The following AKT3 variants were observed in gnomAD, a reference collection of about 807,000 sequenced individuals.
AKT3 encodes RAC-gamma serine/threonine-protein kinase.
In AKT3, 15 loss-of-function variants were observed where a neutral mutation model predicts 65.3. That is an observed-to-expected ratio of 0.23 (90% CI 0.15 to 0.35). AKT3 has a LOEUF of 0.35. Ranked by LOEUF, AKT3 falls within the 10% of genes least tolerant of loss-of-function variation. The pLI is 1.00. For missense variants in AKT3, 243 were observed against 576.5 expected (o/e 0.42, Z 5.92); for synonymous variants, 206 against 183.8 (o/e 1.12, Z -0.98).
chr1:243,654,627 T>A (rs548496592), intron 4 of AKT3, among the ~76,000 whole-genome samples: 3 of 152,278 alleles, frequency 2.0e-5, no homozygotes, highest in Admixed American at 2.0e-4. Context: ...CCTCTTTCAA[T>A]TTTTTACTGA....
At chr1:243,646,267 GAAA>G (rs1680806318) in intron 4 of AKT3, among the ~76,000 whole-genome samples, 1 of 149,594 alleles carries the variant, frequency 6.7e-6, no homozygotes, top group African/African-American at 2.5e-5. Context: ...GTATGTTAAA[GAAA>G]AAAAGAGAAG....
intron 13 of AKT3, among the ~76,000 whole-genome samples, chr1:243,489,879 G>C (rs1347040542): frequency 6.6e-6 from 1 of 152,130 alleles, no homozygotes; most frequent in Non-Finnish European, 1.5e-5. Context: ...AAAGTGTCCC[G>C]GTGAATTTGG....
chr1:243,567,466 C>G (rs1674243571), intron 9 of AKT3, among the ~76,000 whole-genome samples: 1 of 148,172 alleles, frequency 6.7e-6, no homozygotes, highest in Admixed American at 6.7e-5. Context: ...CCACGCCCTG[C>G]TAGTTTTTGT....
At chr1:243,495,452 G>A (rs1419205343), downstream of AKT3, among the ~76,000 whole-genome samples, 1 of 152,214 alleles carries the variant, frequency 6.6e-6, no homozygotes, top group African/African-American at 2.4e-5. Context: ...GCGGTGTGGA[G>A]GCTGTTATCA....
chr1:243,570,271 G>A (rs531777457), intron 9 of AKT3, among the ~76,000 whole-genome samples: 8 of 152,298 alleles, frequency 5.3e-5, no homozygotes, highest in African/African-American at 1.7e-4. Context: ...TTTGAACAAA[G>A]TCAAGGTTAT....
intron 2 of AKT3, among the ~76,000 whole-genome samples, chr1:243,824,743 G>A (rs1237082745): frequency 6.6e-6 from 1 of 152,116 alleles, no homozygotes; most frequent in Non-Finnish European, 1.5e-5. Flanking sequence ...TTATTAAAAT[G>A]TCAAGAAACA....
At chr1:243,488,661 C>T (rs1015395348) in intron 13 of AKT3, among the ~76,000 whole-genome samples, 2 of 152,222 alleles carry the variant, frequency 1.3e-5, no homozygotes, top group African/African-American at 4.8e-5. Context: ...GTCTGCTCAG[C>T]CTGCCAGAGA....
At chr1:243,649,315 G>C (rs12145558) in intron 4 of AKT3, among the ~76,000 whole-genome samples, 1 of 6,016 alleles carries the variant, frequency 1.7e-4, no homozygotes, top group East Asian at 4.1e-3. Context: ...ATGTGTATAT[G>C]TGTGTGTGTG....
chr1:243,832,508 A>G (rs1321442299), intron 2 of AKT3, among the ~76,000 whole-genome samples: 1 of 152,206 alleles, frequency 6.6e-6, no homozygotes, highest in East Asian at 1.9e-4. Context: ...TCTATATATA[A>G]AATTATAAAC....
chr1:243,679,679 T>C (rs1558712110), intron 3 of AKT3, among the ~76,000 whole-genome samples: 2 of 152,206 alleles, frequency 1.3e-5, no homozygotes, highest in Non-Finnish European at 2.9e-5. Context: ...AAACCTAACA[T>C]GAATTAACAT....
chr1:243,497,875 T>G (rs931417632), downstream of AKT3, among the ~76,000 whole-genome samples: 1 of 152,036 alleles, frequency 6.6e-6, no homozygotes, highest in Non-Finnish European at 1.5e-5. Context: ...AGAGATGAGG[T>G]CTCACTATGT....
chr1:243,710,277 T>C (rs1686063184), intron 2 of AKT3, among the ~76,000 whole-genome samples: 1 of 152,148 alleles, frequency 6.6e-6, no homozygotes, highest in South Asian at 2.1e-4. Flanking sequence ...CTATGGATAT[T>C]TCCACTTCTT....
At chr1:243,557,257 T>C (rs932950819) in intron 10 of AKT3, among the ~76,000 whole-genome samples, 5 of 152,112 alleles carry the variant, frequency 3.3e-5, no homozygotes, top group African/African-American at 1.2e-4. Context: ...ATAACCCAAG[T>C]AACAATAGCC....
Position 243,850,098 on chromosome 1 carries a change from G to A in AKT3, c.-171C>T, listed in dbSNP as rs1156320031. On this transcript the variant is annotated 5_prime_UTR_variant, in exon 1 of 14. Coordinates refer to ENST00000673466, the MANE Select transcript of AKT3 (RefSeq NM_005465.7). ...AGCTGCTCGGGCGGCGGCGGAGGAT[G>A]GAGCCGGGGGGGGGCGGGGGGAGGA... 4.9e-5 allele frequency: 10 copies of A among 205,904 alleles called. No homozygotes were observed. Among genetic ancestry groups the A allele is most frequent in the African/African-American group, 1.9e-4 (8 of 41,142 alleles). The allele number at this position is 205,904 out of a possible 1,614,324, so 12.8% of individuals were successfully genotyped here. A position where few individuals can be genotyped will look rare whatever the true frequency, so the allele number is the denominator to read the frequency against.
At chr1:243,801,057 T>C (rs1185795546) in intron 2 of AKT3, among the ~76,000 whole-genome samples, 1 of 152,174 alleles carries the variant, frequency 6.6e-6, no homozygotes, top group Non-Finnish European at 1.5e-5. Context: ...TACCCAAAAC[T>C]CACTGGTGTG....
At chr1:243,687,138 T>A (rs1304479513) in intron 3 of AKT3, among the ~76,000 whole-genome samples, 2 of 152,146 alleles carry the variant, frequency 1.3e-5, no homozygotes, top group East Asian at 3.9e-4. Context: ...ACAAGTCCAA[T>A]GATGTTCCAG....
At chr1:243,658,065 A>T (rs1681957210) in intron 4 of AKT3, among the ~76,000 whole-genome samples, 1 of 152,188 alleles carries the variant, frequency 6.6e-6, no homozygotes, top group Non-Finnish European at 1.5e-5. Context: ...TTTGGTCTTT[A>T]GAAATGATTT....
At chr1:243,540,760 A>C (rs930529312) in intron 12 of AKT3, among the ~76,000 whole-genome samples, 3 of 152,156 alleles carry the variant, frequency 2.0e-5, no homozygotes, top group Non-Finnish European at 4.4e-5. Context: ...TAGTCTCTCC[A>C]ATCTATGAGT....
downstream of AKT3, among the ~76,000 whole-genome samples, chr1:243,498,689 T>G (rs545669183): frequency 2.9e-4 from 44 of 152,370 alleles, 1 homozygote; most frequent in African/African-American, 9.6e-4. Flanking sequence ...GAATGCGGAT[T>G]CAGTTTCACT....
Sources: gnomAD v4.1 joint callset for allele counts (sites outside exome capture counted in the v4.1 genomes callset) on GRCh38, gnomAD v4.1.1 for gene constraint, MANE v1.5 for transcripts, NCBI Gene and HGNC (gene_info 2026-07-23, HGNC 2026-07-21) for gene names.